DSCAML1: variants seen among roughly 807,000 people sequenced by gnomAD.
The protein encoded by DSCAML1 is DS cell adhesion molecule like 1, also known as cell adhesion molecule DSCAML1.
DSCAML1 carries 38 observed loss-of-function variants against 200.5 expected under a neutral mutation model. The observed-to-expected ratio is 0.19, with a 90% CI of 0.15 to 0.25. DSCAML1 has a LOEUF of 0.25. Ranked by LOEUF, DSCAML1 falls within the 10% of genes least tolerant of loss-of-function variation. The probability of loss-of-function intolerance (pLI) is 1.00; values close to 1 mark genes in which losing one functional copy is unlikely to be tolerated. For missense variants in DSCAML1, 2,223 were observed against 2,858.8 expected, an observed-to-expected ratio of 0.78 and a Z score of 5.07; for synonymous variants, 1,215 against 1,165.0, an observed-to-expected ratio of 1.04 and a Z score of -0.87.
Position 117,437,549 on chromosome 11 carries a change from G to GCTTCCCCACCCCATC in DSCAML1, c.4433-141_4433-140insGATGGGGTGGGGAAG. On this transcript the variant is annotated intron_variant, in intron 25 of 32. Coordinates refer to ENST00000651296, the MANE Select transcript of DSCAML1 (RefSeq NM_020693.4). The surrounding 1 kb of genome is among the most constrained non-coding windows in gnomAD (Gnocchi z 5.3). The stretch of plus-strand genomic sequence containing the variant: ...AGAATACATGTTTGGCACAGATGGG[G>GCTTCCCCACCCCATC]TGGGGAAGCCCCAGGGCGCAGAGGA... 1 of 1,088,456 alleles carries GCTTCCCCACCCCATC rather than the reference G, an allele frequency of 9.2e-7. No homozygotes were observed. The allele number at this position is 1,088,456 out of a possible 1,614,324, so 67.4% of individuals were successfully genotyped here.
chr11:117,778,960 A>G (rs7924993), intron 2 of DSCAML1, among the ~76,000 whole-genome samples: 128,970 of 152,212 alleles, frequency 0.85, 54,875 homozygotes, highest in African/African-American at 0.9. Flanking sequence ...CAAACCAACC[A>G]ATGGAATGAA....
chr11:117,448,192 C>T (rs1006889029), intron 20 of DSCAML1, among the ~76,000 whole-genome samples: 2 of 152,212 alleles, frequency 1.3e-5, no homozygotes, highest in Admixed American at 1.3e-4. Context: ...GGAGGCGTGG[C>T]TCCCGGACAC....
intron 3 of DSCAML1, among the ~76,000 whole-genome samples, chr11:117,766,477 A>G (rs1175765975): frequency 6.6e-6 from 1 of 152,212 alleles, no homozygotes; most frequent in Admixed American, 6.5e-5. Flanking sequence ...ACATTTTTAG[A>G]CTACAGCACA....
At chr11:117,670,700 A>T (rs1330955744) in intron 3 of DSCAML1, among the ~76,000 whole-genome samples, 1 of 152,170 alleles carries the variant, frequency 6.6e-6, no homozygotes, top group Non-Finnish European at 1.5e-5. Context: ...ACAGAATGAA[A>T]GGGCTGTGCC....
chr11:117,484,571 G>A (rs1302383337), intron 11 of DSCAML1, among the ~76,000 whole-genome samples: 1 of 152,240 alleles, frequency 6.6e-6, no homozygotes, highest in Non-Finnish European at 1.5e-5. Context: ...TGCAGTCAGA[G>A]ACATCCGAGT....
intron 8 of DSCAML1, among the ~76,000 whole-genome samples, chr11:117,512,404 T>C (rs2049643327): frequency 6.6e-6 from 1 of 152,144 alleles, no homozygotes; most frequent in Admixed American, 6.5e-5. Context: ...TAATCAGCTC[T>C]GATGGTTCTT....
chr11:117,589,342 A>T (rs748185951), intron 3 of DSCAML1, among the ~76,000 whole-genome samples: 10 of 152,174 alleles, frequency 6.6e-5, no homozygotes, highest in Non-Finnish European at 1.2e-4. Flanking sequence ...CAAAACAAAC[A>T]CATGCTCAAA....
At chr11:117,554,774 C>T (rs1288128576) in intron 3 of DSCAML1, among the ~76,000 whole-genome samples, 1 of 152,198 alleles carries the variant, frequency 6.6e-6, no homozygotes, top group Non-Finnish European at 1.5e-5. Context: ...GATGGCAGAG[C>T]AGGAAGGGAA....
intron 3 of DSCAML1, among the ~76,000 whole-genome samples, chr11:117,736,325 G>A (rs1290738423): frequency 6.6e-6 from 1 of 152,226 alleles, no homozygotes; most frequent in Non-Finnish European, 1.5e-5. Context: ...TCCTCACCAT[G>A]TGGGCATCTC....
intron 14 of DSCAML1, among the ~76,000 whole-genome samples, chr11:117,474,853 C>T (rs2048756797): frequency 6.6e-6 from 1 of 151,388 alleles, no homozygotes; most frequent in Admixed American, 6.6e-5. Context: ...CTCCCGGGTT[C>T]GTGCCATTCT....
Position 117,539,606 on chromosome 11 carries a change from C to CAAAAAAAAAAAAAAAAAAAAAA in DSCAML1, c.512-7106_512-7085dup, listed in dbSNP as rs35130897. ...CTGGGCAACAAGAGTAAAACTCTGT[C>CAAAAAAAAAAAAAAAAAAAAAA]AAAAAAAAAAAAAAAAAAAAAAAAG... On this transcript the variant is annotated intron_variant, in intron 3 of 32. Transcript: ENST00000651296. 9.7e-4 allele frequency among the ~76,000 whole-genome samples: 51 copies of CAAAAAAAAAAAAAAAAAAAAAA among 52,584 alleles called. 1 individual carries two copies. The highest frequency in any genetic ancestry group is 1.2e-3 in the Non-Finnish European group (35 of 28,092). The allele number at this position is 52,584 out of a possible 152,430, so 34.5% of individuals were successfully genotyped here. A position where few individuals can be genotyped will look rare whatever the true frequency, so the allele number is the denominator to read the frequency against.
chr11:117,574,345 GATT>G lies in DSCAML1; in HGVS notation c.512-41826_512-41824del, dbSNP rs1468181252. Among the ~76,000 whole-genome samples, 6 of 152,308 alleles carry G rather than the reference GATT, an allele frequency of 3.9e-5. 1 individual carries two copies. Among genetic ancestry groups the G allele is most frequent in the African/African-American group, 1.2e-4 (5 of 41,578 alleles). ...GCCCTAGTCTCTACCACTGTGGGGAGATTAGGTGGAGGGTTCCTTGGGGCAGGC... is the reference window on the plus strand; with the variant it reads ...GCCCTAGTCTCTACCACTGTGGGGAGAGGTGGAGGGTTCCTTGGGGCAGGC... On this transcript the variant is annotated intron_variant, in intron 3 of 32. Transcript: ENST00000651296.
chr11:117,456,365 T>C (rs756352753), intron 19 of DSCAML1, among the ~76,000 whole-genome samples: 13 of 152,220 alleles, frequency 8.5e-5, no homozygotes, highest in African/African-American at 1.2e-4. Flanking sequence ...ATGTTTTTGC[T>C]GGCTTTCACA....
intron 30 of DSCAML1, 100 bp from the exon 31 acceptor site, chr11:117,431,828 G>T: frequency 8.4e-7 from 1 of 1,197,072 alleles, no homozygotes; most frequent in Admixed American, 2.6e-5. Context: ...CAAGGGAAGA[G>T]GCAGATGCAG....
At chr11:117,815,696 C>T (rs530654222) in intron 1 of DSCAML1, among the ~76,000 whole-genome samples, 5 of 152,122 alleles carry the variant, frequency 3.3e-5, no homozygotes, top group African/African-American at 1.2e-4. Context: ...CCCAGCAAGC[C>T]CATAGGAGCA....
At chr11:117,431,754 C>A in intron 30 of DSCAML1, 26 bp from the exon 31 acceptor site, 1 of 1,505,288 alleles carries the variant, frequency 6.6e-7, no homozygotes, top group Non-Finnish European at 8.9e-7. Context: ...CAAGAAATTG[C>A]ATCCTCCAAC....
At chr11:117,637,344 A>AT (rs36023662) in intron 3 of DSCAML1, among the ~76,000 whole-genome samples, 9,157 of 139,074 alleles carry the variant, frequency 0.066, 310 homozygotes, top group East Asian at 0.087. Flanking sequence ...GTGCTCAATA[A>AT]TTTTTTTTTT....
intron 3 of DSCAML1, among the ~76,000 whole-genome samples, chr11:117,752,768 T>C (rs1315070354): frequency 6.6e-6 from 1 of 152,228 alleles, no homozygotes; most frequent in Non-Finnish European, 1.5e-5. Context: ...TCTGTCACCG[T>C]TGGGAAACCT....
chr11:117,651,866 G>A (rs1453407150), intron 3 of DSCAML1, among the ~76,000 whole-genome samples: 1 of 152,128 alleles, frequency 6.6e-6, no homozygotes, highest in African/African-American at 2.4e-5. Context: ...CCGAGCCTCT[G>A]CAGAAATAGG....
Sources: gnomAD v4.1 joint callset for allele counts (sites outside exome capture counted in the v4.1 genomes callset) on GRCh38, gnomAD v4.1.1 for gene constraint, Gnocchi (gnomAD v3.1) non-coding constraint, MANE v1.5 for transcripts, NCBI Gene and HGNC (gene_info 2026-07-23, HGNC 2026-07-21) for gene names.